MAGI2: variants seen among roughly 807,000 people sequenced by gnomAD.
The protein encoded by MAGI2 is membrane-associated guanylate kinase, WW and PDZ domain-containing protein 2.
MAGI2 carries 35 observed loss-of-function variants against 133.3 expected under a neutral mutation model. That is an observed-to-expected ratio of 0.26 (90% CI 0.20 to 0.35). MAGI2 has a LOEUF of 0.35. Among genes scored for constraint, MAGI2 ranks in the 10% least tolerant of loss-of-function variants. The pLI is 1.00. For missense variants in MAGI2, 1,636 were observed against 1,863.4 expected (o/e 0.88, Z 2.25); for synonymous variants, 729 against 710.6 (o/e 1.03, Z -0.41).
intron 9 of MAGI2, among the ~76,000 whole-genome samples, chr7:78,286,866 G>A (rs1037114688): frequency 2.6e-5 from 4 of 152,096 alleles, no homozygotes; most frequent in African/African-American, 9.7e-5. Flanking sequence ...ATAAAGACCA[G>A]GCAGATATGT....
intron 1 of MAGI2, among the ~76,000 whole-genome samples, chr7:79,425,517 TC>T (rs1296102001): frequency 6.6e-6 from 1 of 151,168 alleles, no homozygotes; most frequent in African/African-American, 2.4e-5. Flanking sequence ...AATACTAACA[TC>T]CTAAAGCTAA....
At chr7:78,041,361 G>A (rs1337099604) in intron 21 of MAGI2, among the ~76,000 whole-genome samples, 2 of 152,136 alleles carry the variant, frequency 1.3e-5, no homozygotes, top group Non-Finnish European at 2.9e-5. Flanking sequence ...TTGCTGCAAG[G>A]CTGCTCTCTC....
intron 2 of MAGI2, among the ~76,000 whole-genome samples, chr7:78,995,170 GA>G (rs368350958): frequency 0.015 from 2,189 of 149,112 alleles, 25 homozygotes; most frequent in Non-Finnish European, 0.023. Flanking sequence ...AAAAGCTGAT[GA>G]AAAAAAAAAT....
intron 1 of MAGI2, among the ~76,000 whole-genome samples, chr7:79,167,183 G>T (rs1417347802): frequency 2.0e-5 from 3 of 151,802 alleles, no homozygotes; most frequent in East Asian, 3.9e-4. Context: ...TTGAGGAAGG[G>T]TTCAAACTAG....
chr7:79,095,694 A>T (rs1037888647), intron 1 of MAGI2, among the ~76,000 whole-genome samples: 7 of 152,198 alleles, frequency 4.6e-5, no homozygotes, highest in African/African-American at 1.7e-4. Context: ...TAAATTTACC[A>T]TCTTTATATG....
At chr7:78,649,869 C>T (rs548751831) in intron 2 of MAGI2, among the ~76,000 whole-genome samples, 89 of 151,882 alleles carry the variant, frequency 5.9e-4, no homozygotes, top group South Asian at 2.5e-3. Flanking sequence ...CATGAAAGTG[C>T]TGAGGATTAA....
chr7:78,346,123 AGGT>A, intron 7 of MAGI2, 80 bp from the exon 8 acceptor site: 1 of 1,500,602 alleles, frequency 6.7e-7, no homozygotes, highest in African/African-American at 1.4e-5. Flanking sequence ...TATGGAGAGC[AGGT>A]GATTAAGGGC....
rs144281432 is a variant in MAGI2, at chr7:78,875,372, G to C, written c.418+131718C>G. Among the ~76,000 whole-genome samples, 1,166 of 152,254 alleles carry C rather than the reference G, an allele frequency of 7.7e-3. 20 individuals carry two copies. Among genetic ancestry groups the C allele is most frequent in the African/African-American group, 0.027 (1,101 of 41,524 alleles). ...AAAATTTATGAATCAATAGAAGCAA[G>C]AGAACCACAGAAAGAATGTCTCCAA... On this transcript the variant is annotated intron_variant, in intron 2 of 21. Coordinates refer to ENST00000354212, the MANE Select transcript of MAGI2 (RefSeq NM_012301.4).
intron 20 of MAGI2, among the ~76,000 whole-genome samples, chr7:78,109,818 T>C (rs946559945): frequency 3.9e-5 from 6 of 152,190 alleles, no homozygotes; most frequent in African/African-American, 1.4e-4. Context: ...ATCTAGCTAC[T>C]GGAACAGTTC....
chr7:79,259,831 A>G (rs921565453), intron 1 of MAGI2, among the ~76,000 whole-genome samples: 7 of 152,166 alleles, frequency 4.6e-5, no homozygotes, highest in African/African-American at 1.7e-4. Flanking sequence ...TACCCTGTTT[A>G]ACACAAAATG....
chr7:79,205,756 G>GGTGTGTGTGTGT (rs113762722), intron 1 of MAGI2, among the ~76,000 whole-genome samples: 1 of 147,984 alleles, frequency 6.8e-6, no homozygotes, highest in African/African-American at 2.5e-5. Flanking sequence ...AATGTAGAGG[G>GGTGTGTGTGTGT]GTGTGTGTGT....
chr7:78,302,139 T>G (rs376956477), intron 9 of MAGI2, among the ~76,000 whole-genome samples: 63 of 152,296 alleles, frequency 4.1e-4, no homozygotes, highest in African/African-American at 1.4e-3. Flanking sequence ...TGAAACAAAG[T>G]AGAAGCTCAA....
chr7:78,639,249 T>C (rs899220866), intron 2 of MAGI2, among the ~76,000 whole-genome samples: 1 of 152,150 alleles, frequency 6.6e-6, no homozygotes, highest in African/African-American at 2.4e-5. Context: ...AAAATCCAGA[T>C]GAAAGAAAGA....
intron 1 of MAGI2, among the ~76,000 whole-genome samples, chr7:79,378,195 T>A (rs941144876): frequency 2.2e-4 from 33 of 151,844 alleles, no homozygotes; most frequent in Admixed American, 1.1e-3. Context: ...GTAACAACAC[T>A]TTGATATAAT....
At chr7:78,170,650 T>A (rs1452207363) in intron 14 of MAGI2, 4 of 152,058 alleles carry the variant, frequency 2.6e-5, no homozygotes, top group Non-Finnish European at 5.9e-5. Context: ...TGGTGGAGAT[T>A]GGTGTCAGTC....
At chr7:78,376,040 T>C (rs997241899) in intron 6 of MAGI2, among the ~76,000 whole-genome samples, 2 of 65,300 alleles carry the variant, frequency 3.1e-5, no homozygotes, top group African/African-American at 1.3e-4. Flanking sequence ...AAATCCTGAA[T>C]ATATTCTTTT....
At chr7:79,171,492 A>C (rs1825538367) in intron 1 of MAGI2, among the ~76,000 whole-genome samples, 1 of 151,700 alleles carries the variant, frequency 6.6e-6, no homozygotes, top group South Asian at 2.1e-4. Flanking sequence ...GGATGACATA[A>C]TTTGATTCCT....
intron 14 of MAGI2, among the ~76,000 whole-genome samples, chr7:78,173,093 G>A (rs1826263164): frequency 6.6e-6 from 1 of 152,218 alleles, no homozygotes; most frequent in African/African-American, 2.4e-5. Context: ...AGCAATCCAT[G>A]TAATCTGAGG....
chr7:79,324,629 TTA>T lies in MAGI2; in HGVS notation c.301+128389_301+128390del, dbSNP rs754818115. Among the ~76,000 whole-genome samples the T allele has an allele frequency of 3.6e-3, 214 of 59,190 alleles. 48 individuals carry two copies. The highest frequency in any genetic ancestry group is 0.011 in the East Asian group (19 of 1,708). The allele number at this position is 59,190 out of a possible 152,430, so 38.8% of individuals were successfully genotyped here. A position where few individuals can be genotyped will look rare whatever the true frequency, so the allele number is the denominator to read the frequency against. On this transcript the variant is annotated intron_variant, in intron 1 of 21. Coordinates refer to ENST00000354212, the MANE Select transcript of MAGI2 (RefSeq NM_012301.4). ...ATAAAAAATATATATAATATATATATTATATATATATAAAATATATATATATT... is the reference window on the plus strand; with the variant it reads ...ATAAAAAATATATATAATATATATATTATATATATAAAATATATATATATT...
Sources: allele counts gnomAD v4.1 joint callset (sites outside exome capture counted in the v4.1 genomes callset), GRCh38; gene constraint gnomAD v4.1.1; transcripts MANE v1.5; gene names NCBI Gene and HGNC (gene_info 2026-07-23, HGNC 2026-07-21).